The following PAMR1 variants were observed in gnomAD, a reference collection of about 807,000 sequenced individuals.
The protein encoded by PAMR1 is peptidase domain containing associated with muscle regeneration 1.
Under a neutral mutation model 81.8 loss-of-function variants are expected in PAMR1, and 88 were observed. The observed-to-expected ratio is 1.08, with a 90% CI of 0.91 to 1.28. The LOEUF is 1.28. PAMR1 is among the 50% of genes most tolerant of loss of function. The pLI is 0.00. For missense variants in PAMR1, 935 were observed against 919.7 expected (o/e 1.02, Z -0.21); for synonymous variants, 336 against 345.3 (o/e 0.97, Z 0.30).
intron 1 of PAMR1, among the ~76,000 whole-genome samples, chr11:35,510,417 C>A (rs1456443151): frequency 6.6e-6 from 1 of 152,128 alleles, no homozygotes; most frequent in African/African-American, 2.4e-5. Context: ...GTTTTACTGC[C>A]CTAAGAATTC....
At chr11:35,501,894 T>G (rs2135409111) in intron 1 of PAMR1, among the ~76,000 whole-genome samples, 1 of 152,360 alleles carries the variant, frequency 6.6e-6, no homozygotes, top group South Asian at 2.1e-4. Context: ...GCAATAAACA[T>G]AAGAGTGGAG....
intron 6 of PAMR1, among the ~76,000 whole-genome samples, chr11:35,447,226 G>A (rs1426484313): frequency 2.6e-5 from 3 of 113,230 alleles, no homozygotes; most frequent in Non-Finnish European, 5.3e-5. Flanking sequence ...TTTTTGAGAT[G>A]GAGTCTCGCT....
intron 1 of PAMR1, among the ~76,000 whole-genome samples, chr11:35,507,237 G>A (rs1178489219): frequency 6.6e-6 from 1 of 151,598 alleles, no homozygotes; most frequent in Non-Finnish European, 1.5e-5. Context: ...AGTAGAGATG[G>A]GGTTTCTCCA....
intron 1 of PAMR1, among the ~76,000 whole-genome samples, chr11:35,517,582 A>C (rs1202000431): frequency 6.6e-6 from 1 of 152,270 alleles, no homozygotes; most frequent in Non-Finnish European, 1.5e-5. Flanking sequence ...CATTATAAAA[A>C]ATGAATTATA....
rs1054574167 is a variant in PAMR1, at chr11:35,434,577, T to C, written c.1561A>G (p.Lys521Glu). The part of the protein sequence containing the change: ...KVTMIKTADL[K>E]VVLGKFYRDD... ...CGGTAGAATTTCCCCAAAACAACTT[T>C]CAGGTCTGCTGTCTTGATCATGGTG... Residue 521 changes from lysine (K) to glutamate (E), a missense_variant, in exon 10 of 11, where the codon AAA becomes GAA. Coordinates refer to ENST00000619888, the MANE Select transcript of PAMR1 (RefSeq NM_001001991.3). The C allele has an allele frequency of 1.9e-6, 3 of 1,613,944 alleles. No homozygotes were observed. The African/African-American group carries it at 4.0e-5, about 22-fold the overall frequency.
At chr11:35,489,234 G>C (rs682512) in intron 3 of PAMR1, among the ~76,000 whole-genome samples, 1 of 151,994 alleles carries the variant, frequency 6.6e-6, no homozygotes, top group Non-Finnish European at 1.5e-5. Flanking sequence ...CCAAATTCCA[G>C]CTTATCTCAT....
In PAMR1 at chr11:35,470,731, G is replaced by C. The variant is rs764136662; in HGVS notation, c.582C>G (p.Ile194Met). The C allele has an allele frequency of 1.2e-6, 2 of 1,614,126 alleles. No individual in the cohort carries two copies. The highest frequency in any genetic ancestry group is 4.5e-5 in the East Asian group (2 of 44,876). The change falls in exon 5 of 11, where the codon ATC (isoleucine) becomes ATG (methionine). Residue 194 changes from isoleucine to methionine, a missense_variant. Coordinates refer to ENST00000619888, the MANE Select transcript of PAMR1 (RefSeq NM_001001991.3). ...GCTCGTTGCCACAGACACGCTTGAT[G>C]ATCTGGCCATCGCGGTTGTCTCCAT... ...VRDGDNRDGQ[I>M]IKRVCGNERP...
rs559856176 is a variant in PAMR1, at chr11:35,502,994, T to C, written c.74-8722A>G. ...GTTTCATGTTGGATTTAGTTTTTAA[T>C]TCATTTTGATTTGATTTTATGTATA... On this transcript the variant is annotated intron_variant, in intron 1 of 10. Coordinates refer to ENST00000619888, the MANE Select transcript of PAMR1 (RefSeq NM_001001991.3). 1.9e-4 allele frequency among the ~76,000 whole-genome samples: 29 copies of C among 152,342 alleles called. No individual in the cohort carries two copies. In the East Asian group the frequency reaches 5.2e-3, roughly 27 times the overall value.
intron 6 of PAMR1, among the ~76,000 whole-genome samples, chr11:35,444,543 G>A (rs1180121747): frequency 6.6e-6 from 1 of 152,058 alleles, no homozygotes; most frequent in Non-Finnish European, 1.5e-5. Flanking sequence ...ATGGGTCCAG[G>A]TTCAATTTTC....
At chr11:35,439,383 G>T (rs1856114613) in intron 8 of PAMR1, among the ~76,000 whole-genome samples, 2 of 152,126 alleles carry the variant, frequency 1.3e-5, no homozygotes, top group African/African-American at 4.8e-5. Context: ...CTTTCCACCG[G>T]TCATCTACTT....
At chr11:35,451,987 C>G (rs1406961905) in intron 6 of PAMR1, 1 of 636,442 alleles carries the variant, frequency 1.6e-6, no homozygotes, top group African/African-American at 1.8e-5. Context: ...CTATGGTATT[C>G]TCTTGTAGCA....
chr11:35,500,315 G>A (rs1307685608), intron 1 of PAMR1, among the ~76,000 whole-genome samples: 1 of 152,140 alleles, frequency 6.6e-6, no homozygotes, highest in African/African-American at 2.4e-5. Flanking sequence ...TTTCTCCACT[G>A]AGCACAATGC....
chr11:35,475,338 T>C (rs1850266125), intron 3 of PAMR1, among the ~76,000 whole-genome samples: 1 of 152,236 alleles, frequency 6.6e-6, no homozygotes, highest in African/African-American at 2.4e-5. Flanking sequence ...ATTCTTTTCT[T>C]GCTCCCAACC....
At chr11:35,463,319 G>A (rs571778707) in intron 6 of PAMR1, among the ~76,000 whole-genome samples, 5 of 152,276 alleles carry the variant, frequency 3.3e-5, no homozygotes, top group South Asian at 4.2e-4. Context: ...GGTGGAGGTC[G>A]ATTTGTTTTG....
intron 6 of PAMR1, among the ~76,000 whole-genome samples, chr11:35,453,627 A>C (rs1856466789): frequency 6.6e-6 from 1 of 152,168 alleles, no homozygotes; most frequent in Non-Finnish European, 1.5e-5. Context: ...GCTCCTCCCC[A>C]GGGTCAGATT....
At chr11:35,496,390 T>C (rs1453322814) in intron 1 of PAMR1, among the ~76,000 whole-genome samples, 2 of 152,174 alleles carry the variant, frequency 1.3e-5, no homozygotes, top group Admixed American at 6.5e-5. Flanking sequence ...ATCCAGGACA[T>C]ATTTCTAAAA....
At chr11:35,478,198 C>T (rs1850317555) in intron 3 of PAMR1, among the ~76,000 whole-genome samples, 1 of 152,182 alleles carries the variant, frequency 6.6e-6, no homozygotes, top group African/African-American at 2.4e-5. Flanking sequence ...GAAGGCGGTG[C>T]TCATCCCCAT....
At chr11:35,526,703 G>A (rs1358957263), upstream of PAMR1, among the ~76,000 whole-genome samples, 1 of 152,198 alleles carries the variant, frequency 6.6e-6, no homozygotes, top group Non-Finnish European at 1.5e-5. Flanking sequence ...TTAGCCACTA[G>A]GCTATAGAGC....
At chr11:35,455,145 C>T (rs1253715446) in intron 6 of PAMR1, among the ~76,000 whole-genome samples, 1 of 152,012 alleles carries the variant, frequency 6.6e-6, no homozygotes, top group African/African-American at 2.4e-5. Flanking sequence ...CTGTCATACT[C>T]GACATAAAAG....
Sources: allele counts gnomAD v4.1 joint callset (sites outside exome capture counted in the v4.1 genomes callset), GRCh38; gene constraint gnomAD v4.1.1; transcripts MANE v1.5; gene names NCBI Gene and HGNC (gene_info 2026-07-23, HGNC 2026-07-21).